Variants in ADAMTS6 observed in about 807,000 individuals in gnomAD.
ADAMTS6 encodes ADAM metallopeptidase with thrombospondin type 1 motif 6.
Under a neutral mutation model 144.3 loss-of-function variants are expected in ADAMTS6, and 23 were observed. The observed-to-expected ratio is 0.16, with a 90% CI of 0.11 to 0.23. The LOEUF is 0.23. Ranked by LOEUF, ADAMTS6 falls within the 10% of genes least tolerant of loss-of-function variation. The probability of loss-of-function intolerance (pLI) is 1.00; values close to 1 mark genes in which losing one functional copy is unlikely to be tolerated. For missense variants in ADAMTS6, 999 were observed against 1,379.6 expected, an observed-to-expected ratio of 0.72 and a Z score of 4.37; for synonymous variants, 444 against 457.5, an observed-to-expected ratio of 0.97 and a Z score of 0.38.
chr5:65,279,788 C>T (rs1418997874), intron 11 of ADAMTS6, among the ~76,000 whole-genome samples: 1 of 152,176 alleles, frequency 6.6e-6, no homozygotes, highest in East Asian at 1.9e-4. Flanking sequence ...CTTCTCATTT[C>T]AACCACCTAT....
chr5:65,312,341 T>G (rs1435760105), intron 9 of ADAMTS6, among the ~76,000 whole-genome samples: 1 of 152,014 alleles, frequency 6.6e-6, no homozygotes, highest in Non-Finnish European at 1.5e-5. Flanking sequence ...ATTAGAGAAC[T>G]GTTCTTATAC....
At chr5:65,411,095 C>T (rs770534382) in intron 7 of ADAMTS6, among the ~76,000 whole-genome samples, 1 of 152,166 alleles carries the variant, frequency 6.6e-6, no homozygotes, top group Non-Finnish European at 1.5e-5. Flanking sequence ...ACCTCAGCCT[C>T]CCAAAGTGCT....
chr5:65,334,027 C>CAA lies in ADAMTS6; in HGVS notation c.1117+14_1117+15insTT. 1 of 500,714 alleles carries CAA rather than the reference C, an allele frequency of 2.0e-6. No individual in the cohort carries two copies. Among genetic ancestry groups the CAA allele is most frequent in the African/African-American group, 4.0e-5 (1 of 24,740 alleles). 31.0% of individuals were successfully genotyped at this position (500,714 alleles called of 1,614,324 possible). On this transcript the variant is annotated intron_variant, in intron 8 of 24. Transcript: ENST00000381055. ...AAAAAAAAAAAAAAAAAAAAAAAAACCAAAAAAAACTTACCCAGTGTTCCA... is the reference window on the plus strand; with the variant it reads ...AAAAAAAAAAAAAAAAAAAAAAAAACAACAAAAAAAACTTACCCAGTGTTCCA...
At chr5:65,422,799 T>C (rs1756180662) in intron 7 of ADAMTS6, among the ~76,000 whole-genome samples, 1 of 152,152 alleles carries the variant, frequency 6.6e-6, no homozygotes, top group Non-Finnish European at 1.5e-5. Flanking sequence ...ACTGGGTATC[T>C]ACCCAAAGGA....
At chr5:65,330,319 T>C (rs1746589893) in intron 8 of ADAMTS6, among the ~76,000 whole-genome samples, 1 of 152,088 alleles carries the variant, frequency 6.6e-6, no homozygotes. Flanking sequence ...AAGCAGTGCT[T>C]AAAAAAAGAA....
intron 2 of ADAMTS6, among the ~76,000 whole-genome samples, chr5:65,471,939 A>G (rs529244180): frequency 7.2e-5 from 11 of 152,320 alleles, no homozygotes; most frequent in African/African-American, 2.6e-4. Context: ...ACATTCACAT[A>G]AAAATTTAGA....
intron 9 of ADAMTS6, among the ~76,000 whole-genome samples, chr5:65,311,950 C>A (rs1007932767): frequency 7.2e-5 from 11 of 151,994 alleles, no homozygotes; most frequent in African/African-American, 2.7e-4. Flanking sequence ...AATCATGTTG[C>A]TAATATATCA....
chr5:65,235,843 A>C (rs1322762563), intron 15 of ADAMTS6, among the ~76,000 whole-genome samples: 1 of 152,184 alleles, frequency 6.6e-6, no homozygotes, highest in Admixed American at 6.5e-5. Flanking sequence ...TAATTCCAGA[A>C]AGAATTTAAA....
Position 65,301,754 on chromosome 5 carries a change from C to A in ADAMTS6, c.1224-1623G>T, listed in dbSNP as rs76610289. On this transcript the variant is annotated intron_variant, in intron 9 of 24. Coordinates refer to ENST00000381055, the MANE Select transcript of ADAMTS6 (RefSeq NM_197941.4). ...TTAGGAAGCACAATGAACTGACTTT[C>A]ATAAGTACAATATAAAAAGAGCTAT... Among the ~76,000 whole-genome samples the A allele has an allele frequency of 2.6e-5, 4 of 152,066 alleles. No individual in the cohort carries two copies. The East Asian group carries it at 7.7e-4, about 29-fold the overall frequency.
intron 7 of ADAMTS6, among the ~76,000 whole-genome samples, chr5:65,448,968 G>A (rs1758513270): frequency 6.6e-6 from 1 of 151,982 alleles, no homozygotes; most frequent in African/African-American, 2.4e-5. Flanking sequence ...AACACACGTT[G>A]GATTTCAAAA....
At chr5:65,275,086 T>C (rs1762352844) in intron 11 of ADAMTS6, among the ~76,000 whole-genome samples, 1 of 151,606 alleles carries the variant, frequency 6.6e-6, no homozygotes, top group African/African-American at 2.4e-5. Context: ...CCAGGCGCAG[T>C]GGCTGATGCC....
rs1190647105 is a variant in ADAMTS6 at position 65,291,447 on chromosome 5, T to C, written c.1394A>G (p.Asp465Gly). Residue 465 changes from aspartate (D) to glycine (G), a missense_variant, in exon 11 of 25, where the codon GAT becomes GGT. By Grantham distance (94) the Asp-to-Gly change is moderately conservative. Transcript: ENST00000381055. ...AAAGTCACGCTTGGGAGGCTCATTA[T>C]CAAGGCAAGTACCACGGCCTGAACT... Reference protein sequence around the residue: ...FLDSGRGTCLDNEPPKRDFLY... With the variant: ...FLDSGRGTCLGNEPPKRDFLY... The C allele has an allele frequency of 6.2e-7, 1 of 1,613,932 alleles. No homozygotes were observed. Among genetic ancestry groups the C allele is most frequent in the Non-Finnish European group, 8.5e-7 (1 of 1,179,872 alleles).
intron 7 of ADAMTS6, among the ~76,000 whole-genome samples, chr5:65,397,262 A>G (rs1040344092): frequency 2.6e-5 from 4 of 151,812 alleles, no homozygotes; most frequent in Non-Finnish European, 5.9e-5. Flanking sequence ...TTATCTTACC[A>G]AATTTTGGTT....
chr5:65,457,785 G>A (rs867137813), intron 4 of ADAMTS6, among the ~76,000 whole-genome samples: 3 of 127,776 alleles, frequency 2.3e-5, no homozygotes, highest in Non-Finnish European at 3.1e-5. Flanking sequence ...TTTCGCTCTC[G>A]GTGTGATCTT....
chr5:65,277,481 TC>T (rs1762631672), intron 11 of ADAMTS6, among the ~76,000 whole-genome samples: 1 of 152,168 alleles, frequency 6.6e-6, no homozygotes, highest in Non-Finnish European at 1.5e-5. Context: ...AACCTTGAAC[TC>T]CTGGGCTCAA....
chr5:65,259,329 C>T (rs947250821), intron 14 of ADAMTS6, among the ~76,000 whole-genome samples: 19 of 151,874 alleles, frequency 1.3e-4, no homozygotes, highest in African/African-American at 3.4e-4. Flanking sequence ...GCCAAGATGG[C>T]GCCACTGCAC....
chr5:65,174,083 C>CTGGA (rs1395192350), intron 22 of ADAMTS6, among the ~76,000 whole-genome samples: 1 of 151,874 alleles, frequency 6.6e-6, no homozygotes, highest in East Asian at 1.9e-4. Context: ...CCCACAACAT[C>CTGGA]TGGAAGCACT....
intron 7 of ADAMTS6, among the ~76,000 whole-genome samples, chr5:65,338,443 T>C (rs570847017): frequency 3.3e-5 from 5 of 152,268 alleles, no homozygotes; most frequent in African/African-American, 4.8e-5. Context: ...AACTCTTTAA[T>C]CTTCTAGTCA....
At position 65,184,645 on chromosome 5, in the gene ADAMTS6, C is replaced by G. The variant is rs144482050; in HGVS notation, c.2910+3371G>C. ...CATCCACAGTATGCAGCAATGCTTT[C>G]AAGAGCTACTTGCCCAGTGAGGGCA... On this transcript the variant is annotated intron_variant, in intron 22 of 24. Transcript: ENST00000381055. 3.1e-3 allele frequency among the ~76,000 whole-genome samples: 475 copies of G among 152,298 alleles called. 3 individuals carry two copies. Among genetic ancestry groups the G allele is most frequent in the Non-Finnish European group, 4.7e-3 (320 of 68,024 alleles).
Sources: allele counts gnomAD v4.1 joint callset (sites outside exome capture counted in the v4.1 genomes callset), GRCh38; gene constraint gnomAD v4.1.1; transcripts MANE v1.5; gene names NCBI Gene and HGNC (gene_info 2026-07-23, HGNC 2026-07-21).